The following NRG1 variants were observed in gnomAD, a reference collection of about 807,000 sequenced individuals.
NRG1 encodes pro-neuregulin-1, membrane-bound isoform.
Under a neutral mutation model 63.8 loss-of-function variants are expected in NRG1, and 18 were observed. The ratio of observed to expected loss-of-function variants is 0.28; its 90% confidence interval spans 0.19 to 0.42. The LOEUF is 0.42. Ranked by LOEUF, NRG1 falls within the 10% of genes least tolerant of loss-of-function variation. The probability of loss-of-function intolerance (pLI) is 1.00; values close to 1 mark genes in which losing one functional copy is unlikely to be tolerated. For missense variants in NRG1, 762 were observed against 814.7 expected (o/e 0.94, Z 0.79); for synonymous variants, 302 against 301.3 (o/e 1.00, Z -0.02).
chr8:32,556,875 C>T (rs550917223), intron 1 of NRG1, among the ~76,000 whole-genome samples: 1 of 152,316 alleles, frequency 6.6e-6, no homozygotes, highest in African/African-American at 2.4e-5. Flanking sequence ...TAAAACCAGC[C>T]TTTACAAGGA....
chr8:32,051,030 T>C (rs1821893882), intron 1 of NRG1, among the ~76,000 whole-genome samples: 2 of 152,138 alleles, frequency 1.3e-5, no homozygotes, highest in Admixed American at 1.3e-4. Flanking sequence ...GAGAGTTTAA[T>C]ATAAAGTAGA....
intron 1 of NRG1, among the ~76,000 whole-genome samples, chr8:32,551,479 G>A (rs1834097874): frequency 6.6e-6 from 1 of 152,148 alleles, no homozygotes; most frequent in Non-Finnish European, 1.5e-5. Context: ...CCCGCTGTGT[G>A]CTATATTGTA....
chr8:31,936,230 G>A (rs749952129), intron 1 of NRG1, among the ~76,000 whole-genome samples: 6 of 152,062 alleles, frequency 3.9e-5, no homozygotes, highest in Non-Finnish European at 7.4e-5. Context: ...TAAGTATATC[G>A]CGGTGTACAA....
At chr8:32,496,354 G>C (rs1827194238) in intron 1 of NRG1, among the ~76,000 whole-genome samples, 1 of 152,166 alleles carries the variant, frequency 6.6e-6, no homozygotes, top group Admixed American at 6.6e-5. Flanking sequence ...GGCTCACGCA[G>C]GAACATTGCT....
At chr8:32,105,542 G>A (rs997400694) in intron 1 of NRG1, among the ~76,000 whole-genome samples, 2 of 152,094 alleles carry the variant, frequency 1.3e-5, no homozygotes, top group Admixed American at 1.3e-4. Context: ...ACAACACATG[G>A]GAATTGTGGG....
chr8:32,407,425 C>G (rs1814235878), intron 1 of NRG1, among the ~76,000 whole-genome samples: 1 of 150,684 alleles, frequency 6.6e-6, no homozygotes, highest in East Asian at 1.9e-4. Flanking sequence ...TTGACAAGAA[C>G]AGTGTAGGAT....
intron 1 of NRG1, among the ~76,000 whole-genome samples, chr8:31,802,527 C>G (rs565796318): frequency 3.3e-5 from 5 of 152,100 alleles, no homozygotes; most frequent in Admixed American, 6.6e-5. Context: ...TGGTTGATAT[C>G]TAGTAGGAGT....
intron 1 of NRG1, among the ~76,000 whole-genome samples, chr8:31,707,738 T>C (rs1173577997): frequency 6.6e-6 from 1 of 152,166 alleles, no homozygotes; most frequent in African/African-American, 2.4e-5. Context: ...TTCATCACTG[T>C]TGTTAGTGAT....
chr8:32,452,742 G>T (rs960094899), intron 1 of NRG1, among the ~76,000 whole-genome samples: 4 of 152,156 alleles, frequency 2.6e-5, no homozygotes, highest in Admixed American at 2.6e-4. Context: ...AAAGAATATG[G>T]TATCTATCTC....
chr8:32,634,778 A>G (rs1282126712), intron 5 of NRG1, among the ~76,000 whole-genome samples: 1 of 152,218 alleles, frequency 6.6e-6, no homozygotes, highest in Non-Finnish European at 1.5e-5. Flanking sequence ...ATTTTAAAAA[A>G]TGCTTTGAAA....
intron 5 of NRG1, among the ~76,000 whole-genome samples, chr8:32,727,267 T>C (rs979326912): frequency 3.9e-5 from 6 of 152,206 alleles, no homozygotes; most frequent in Admixed American, 2.6e-4. Context: ...TGTAGTGCTT[T>C]AGTCTACATT....
intron 5 of NRG1, among the ~76,000 whole-genome samples, chr8:32,635,334 A>G (rs1366919351): frequency 6.6e-6 from 1 of 152,210 alleles, no homozygotes; most frequent in Admixed American, 6.5e-5. Flanking sequence ...AATGGTAGCT[A>G]TTTTTATTAC....
chr8:32,156,146 C>T (rs1838037733), intron 1 of NRG1, among the ~76,000 whole-genome samples: 1 of 152,190 alleles, frequency 6.6e-6, no homozygotes, highest in Non-Finnish European at 1.5e-5. Flanking sequence ...ATGCTCCTGA[C>T]CTTTTGCCCT....
At chr8:32,764,302 C>T (rs1831233256) in exon 12 of NRG1, 1 of 1,614,088 alleles carries the variant, frequency 6.2e-7, no homozygotes, top group Non-Finnish European at 8.5e-7. Context: ...TTCCGCCTGG[C>T]TGACAGCAGG....
chr8:31,669,071 T>C (rs1315793086), intron 1 of NRG1, among the ~76,000 whole-genome samples: 2 of 152,164 alleles, frequency 1.3e-5, no homozygotes, highest in Non-Finnish European at 2.9e-5. Context: ...TTTCTGTTTT[T>C]TGAGACAAGG....
intron 1 of NRG1, among the ~76,000 whole-genome samples, chr8:32,010,782 G>GTA (rs1814626911): frequency 1.3e-5 from 2 of 151,976 alleles, no homozygotes; most frequent in Non-Finnish European, 2.9e-5. Context: ...CGTTAGGTGG[G>GTA]CCTGGTGTTA....
At chr8:31,769,692 T>C (rs971153034) in intron 1 of NRG1, among the ~76,000 whole-genome samples, 4 of 152,134 alleles carry the variant, frequency 2.6e-5, no homozygotes, top group Non-Finnish European at 4.4e-5. Context: ...AGGACACCAA[T>C]GGTGAACTAA....
chr8:32,620,626 T>C (rs1315128898), intron 5 of NRG1, among the ~76,000 whole-genome samples: 1 of 151,446 alleles, frequency 6.6e-6, no homozygotes, highest in East Asian at 1.9e-4. Context: ...AGTTCGAGAC[T>C]AGTCTGGGCA....
intron 1 of NRG1, among the ~76,000 whole-genome samples, chr8:31,669,205 C>T (rs941209241): frequency 6.6e-6 from 1 of 151,388 alleles, no homozygotes; most frequent in African/African-American, 2.4e-5. Flanking sequence ...GGTCTACAGG[C>T]CTGCAGCACC....
Sources: gnomAD v4.1 joint callset for allele counts (sites outside exome capture counted in the v4.1 genomes callset) on GRCh38, gnomAD v4.1.1 for gene constraint, MANE v1.5 for transcripts, NCBI Gene and HGNC (gene_info 2026-07-23, HGNC 2026-07-21) for gene names.